Variants in CSGALNACT1 observed in about 807,000 individuals in gnomAD.
The protein encoded by CSGALNACT1 is chondroitin sulfate N-acetylgalactosaminyltransferase 1.
CSGALNACT1 carries 52 observed loss-of-function variants against 51.0 expected under a neutral mutation model. That is an observed-to-expected ratio of 1.02 (90% CI 0.82 to 1.29). CSGALNACT1 has a LOEUF of 1.29. Ranked by LOEUF, CSGALNACT1 falls within the 50% of genes most tolerant of loss-of-function variation. CSGALNACT1 has a pLI of 0.00. For synonymous variants in CSGALNACT1, 341 were observed against 254.4 expected (o/e 1.34, Z -3.24); for missense variants, 935 against 679.2 (o/e 1.38, Z -4.19).
chr8:19,438,712 T>C (rs1480589732), intron 6 of CSGALNACT1, among the ~76,000 whole-genome samples: 1 of 152,198 alleles, frequency 6.6e-6, no homozygotes, highest in Non-Finnish European at 1.5e-5. Context: ...CGGGCATGCC[T>C]GCATTCCAGT....
At chr8:19,436,064 G>C (rs190269187) in intron 6 of CSGALNACT1, among the ~76,000 whole-genome samples, 3 of 152,252 alleles carry the variant, frequency 2.0e-5, no homozygotes, top group Admixed American at 1.3e-4. Flanking sequence ...GCAGAACACT[G>C]ATCTATAGCA....
chr8:19,448,529 G>A (rs989710456), intron 5 of CSGALNACT1, among the ~76,000 whole-genome samples: 1 of 152,118 alleles, frequency 6.6e-6, no homozygotes, highest in African/African-American at 2.4e-5. Flanking sequence ...TATAATGCAG[G>A]ATGGAATAAC....
At chr8:19,629,273 C>T (rs1229383680) in intron 1 of CSGALNACT1, among the ~76,000 whole-genome samples, 2 of 152,192 alleles carry the variant, frequency 1.3e-5, no homozygotes, top group Admixed American at 6.5e-5. Context: ...ACAGATTAGA[C>T]TTTCTTCTGA....
intron 3 of CSGALNACT1, among the ~76,000 whole-genome samples, chr8:19,589,388 C>T (rs746171679): frequency 3.3e-5 from 5 of 152,272 alleles, no homozygotes; most frequent in South Asian, 2.1e-4. Context: ...TGCACTGGCA[C>T]GATCTTAGCT....
At chr8:19,593,036 T>C (rs1030163512) in intron 2 of CSGALNACT1, among the ~76,000 whole-genome samples, 2 of 152,242 alleles carry the variant, frequency 1.3e-5, no homozygotes, top group Non-Finnish European at 2.9e-5. Context: ...AGAACATCTG[T>C]AATTTGAAAT....
exon 6 of CSGALNACT1, chr8:19,439,832 G>C (rs368182729): frequency 8.7e-6 from 14 of 1,611,180 alleles, no homozygotes; most frequent in Non-Finnish European, 1.2e-5. Flanking sequence ...GTACTCACTT[G>C]GAAGTGTTTT....
intron 1 of CSGALNACT1, among the ~76,000 whole-genome samples, chr8:19,734,033 AC>A (rs1378583515): frequency 1.3e-5 from 2 of 152,142 alleles, no homozygotes; most frequent in Non-Finnish European, 2.9e-5. Context: ...CCAACAATGA[AC>A]GCTGAGGCTC....
exon 10 of CSGALNACT1, chr8:19,405,364 G>C: frequency 2.2e-6 from 1 of 456,234 alleles, no homozygotes; most frequent in South Asian, 1.6e-5. Flanking sequence ...CTAGAAACTA[G>C]AGCCCTGCTG....
chr8:19,691,595 G>A (rs530979829), intron 1 of CSGALNACT1, among the ~76,000 whole-genome samples: 17 of 152,240 alleles, frequency 1.1e-4, no homozygotes, highest in African/African-American at 3.6e-4. Context: ...TGACGATAAC[G>A]CAGGCTTGAC....
chr8:19,558,500 G>C (rs190567085), intron 3 of CSGALNACT1, among the ~76,000 whole-genome samples: 24 of 152,242 alleles, frequency 1.6e-4, no homozygotes, highest in African/African-American at 5.8e-4. Flanking sequence ...CTTGAAAAGG[G>C]TATGTTAATA....
chr8:19,418,533 G>A (rs370649015), intron 8 of CSGALNACT1, 123 bp downstream of exon 7: 60 of 748,998 alleles, frequency 8.0e-5, no homozygotes, highest in African/African-American at 2.4e-4. Context: ...TCTGCCAAAC[G>A]TAAAAACTAC....
At chr8:19,518,454 G>A (rs10112270) in intron 3 of CSGALNACT1, among the ~76,000 whole-genome samples, 17,238 of 152,114 alleles carry the variant, frequency 0.11, 2,712 homozygotes, top group African/African-American at 0.35. Flanking sequence ...TTAGGGTGGG[G>A]TGACCAACCT....
At chr8:19,531,063 C>A (rs2082680671) in intron 3 of CSGALNACT1, among the ~76,000 whole-genome samples, 1 of 152,116 alleles carries the variant, frequency 6.6e-6, no homozygotes, top group South Asian at 2.1e-4. Context: ...GCTAAGGCTT[C>A]CATTTCCTAT....
At chr8:19,680,847 ACT>A (rs1482388074) in intron 1 of CSGALNACT1, among the ~76,000 whole-genome samples, 1 of 152,056 alleles carries the variant, frequency 6.6e-6, no homozygotes, top group African/African-American at 2.4e-5. Context: ...CAGAACCATT[ACT>A]GAATATCAAC....
At chr8:19,418,162 G>A (rs574106332) in intron 8 of CSGALNACT1, among the ~76,000 whole-genome samples, 10 of 152,256 alleles carry the variant, frequency 6.6e-5, no homozygotes, top group South Asian at 2.1e-4. Flanking sequence ...GGAAGGGAAC[G>A]GTGGCATGAC....
intron 1 of CSGALNACT1, among the ~76,000 whole-genome samples, chr8:19,655,859 T>C (rs539503727): frequency 2.5e-4 from 38 of 152,276 alleles, no homozygotes; most frequent in East Asian, 3.9e-4. Context: ...AGTCTGGTAA[T>C]AGGAGACTTA....
intron 4 of CSGALNACT1, among the ~76,000 whole-genome samples, chr8:19,464,005 G>C (rs2066118974): frequency 6.6e-6 from 1 of 152,182 alleles, no homozygotes; most frequent in African/African-American, 2.4e-5. Context: ...GGATAAGAAA[G>C]GCACCACTCC....
rs182375577 is a variant in CSGALNACT1 at position 19,547,695 on chromosome 8, T to C, written c.-296-41565A>G. On this transcript the variant is annotated intron_variant, in intron 3 of 9. Transcript: ENST00000454498. Reference sequence around the variant, plus strand: ...TATTAGTAGTGTGAGAACAGACTAATACCGTAGAATACAATAAAGTATACT... The same window carrying C: ...TATTAGTAGTGTGAGAACAGACTAACACCGTAGAATACAATAAAGTATACT... Among the ~76,000 whole-genome samples the C allele has an allele frequency of 4.6e-5, 7 of 152,324 alleles. No individual in the cohort carries two copies. In the East Asian group the frequency reaches 1.2e-3, roughly 25 times the overall value.
At chr8:19,705,604 G>A (rs1241654830) in intron 1 of CSGALNACT1, among the ~76,000 whole-genome samples, 2 of 152,078 alleles carry the variant, frequency 1.3e-5, no homozygotes, top group Non-Finnish European at 2.9e-5. Context: ...GGGCATGGTG[G>A]TGCATGCCCA....
Sources: gnomAD v4.1 joint callset for allele counts (sites outside exome capture counted in the v4.1 genomes callset) on GRCh38, gnomAD v4.1.1 for gene constraint, MANE v1.5 for transcripts, NCBI Gene and HGNC (gene_info 2026-07-23, HGNC 2026-07-21) for gene names.